Variants in RNGTT observed in about 807,000 individuals in gnomAD.
RNGTT encodes RNA guanylyltransferase and 5'-phosphatase.
A neutral mutation model predicts 79.3 loss-of-function variants in RNGTT; 33 were observed. The observed-to-expected ratio is 0.42, with a 90% CI of 0.32 to 0.56. The LOEUF is 0.56. Ranked by LOEUF, RNGTT falls within the 20% of genes least tolerant of loss-of-function variation. The pLI, the probability that RNGTT is intolerant of heterozygous loss-of-function variation, is 0.17. For missense variants in RNGTT, 497 were observed against 739.1 expected, an observed-to-expected ratio of 0.67 and a Z score of 3.80; for synonymous variants, 222 against 235.9, an observed-to-expected ratio of 0.94 and a Z score of 0.54.
rs189300089 is a variant in RNGTT at position 88,684,812 on chromosome 6, A to G, written c.1440-6393T>C. ...ATTACATGTCAACATAGGTTCATCAACTCTAATAAATGTAGCACTCTGATG... is the reference window on the plus strand; with the variant it reads ...ATTACATGTCAACATAGGTTCATCAGCTCTAATAAATGTAGCACTCTGATG... On this transcript the variant is annotated intron_variant, in intron 13 of 15. Coordinates refer to ENST00000369485, the MANE Select transcript of RNGTT (RefSeq NM_003800.5). 9.2e-5 allele frequency among the ~76,000 whole-genome samples: 14 copies of G among 152,134 alleles called. No individual in the cohort carries two copies. The East Asian group carries it at 2.3e-3, about 25-fold the overall frequency.
At chr6:88,757,667 T>G (rs1285413399) in intron 13 of RNGTT, among the ~76,000 whole-genome samples, 1 of 152,198 alleles carries the variant, frequency 6.6e-6, no homozygotes, top group Non-Finnish European at 1.5e-5. Flanking sequence ...AACAAAATGT[T>G]TTCAAAAGAT....
At chr6:88,904,323 A>G (rs1783574228) in intron 6 of RNGTT, among the ~76,000 whole-genome samples, 1 of 152,198 alleles carries the variant, frequency 6.6e-6, no homozygotes, top group African/African-American at 2.4e-5. Flanking sequence ...CAGTAATCCC[A>G]ACACTTTGGG....
At chr6:88,818,159 A>G (rs1780385112) in intron 11 of RNGTT, among the ~76,000 whole-genome samples, 2 of 152,292 alleles carry the variant, frequency 1.3e-5, no homozygotes, top group South Asian at 4.1e-4. Context: ...CATCAGGTTG[A>G]GCATTATGTG....
intron 15 of RNGTT, among the ~76,000 whole-genome samples, chr6:88,613,154 C>A (rs1357484794): frequency 1.3e-5 from 2 of 152,204 alleles, no homozygotes; most frequent in Non-Finnish European, 2.9e-5. Context: ...TCTATCCCTC[C>A]CAAACCAGTT....
At chr6:88,838,674 T>C (rs1781163062) in intron 11 of RNGTT, among the ~76,000 whole-genome samples, 1 of 152,156 alleles carries the variant, frequency 6.6e-6, no homozygotes, top group Non-Finnish European at 1.5e-5. Flanking sequence ...TGTTATGATG[T>C]TAGTTCTTCC....
chr6:88,749,020 C>T (rs1777757358), intron 13 of RNGTT, among the ~76,000 whole-genome samples: 1 of 151,924 alleles, frequency 6.6e-6, no homozygotes, highest in Admixed American at 6.6e-5. Flanking sequence ...GCTGATTTGT[C>T]GACAGCAACA....
chr6:88,693,931 G>A (rs1287031280), intron 13 of RNGTT, among the ~76,000 whole-genome samples: 3 of 151,964 alleles, frequency 2.0e-5, no homozygotes, highest in Admixed American at 6.6e-5. Flanking sequence ...TTCTCAAATA[G>A]GTACGAATAA....
rs199533670 is a variant in RNGTT, at chr6:88,697,553, A to AT, written c.1440-19135_1440-19134insA. 6.0e-3 allele frequency among the ~76,000 whole-genome samples: 915 copies of AT among 151,684 alleles called. 9 individuals carry two copies. The highest frequency in any genetic ancestry group is 0.02 in the African/African-American group (840 of 41,330). ...GTGACAAAGCAAGACTGTCTCAAAAAAAATAAAATAAAAATAAATATGAAT... is the reference window on the plus strand; with the variant it reads ...GTGACAAAGCAAGACTGTCTCAAAAATAAATAAAATAAAAATAAATATGAAT... On this transcript the variant is annotated intron_variant, in intron 13 of 15. Coordinates refer to ENST00000369485, the MANE Select transcript of RNGTT (RefSeq NM_003800.5).
chr6:88,646,751 C>A (rs1283822418), intron 14 of RNGTT, among the ~76,000 whole-genome samples: 1 of 151,930 alleles, frequency 6.6e-6, no homozygotes, highest in Non-Finnish European at 1.5e-5. Flanking sequence ...GGACAAAAAA[C>A]CAAACACCGC....
chr6:88,856,677 G>A (rs1394676781), intron 8 of RNGTT, among the ~76,000 whole-genome samples: 1 of 152,130 alleles, frequency 6.6e-6, no homozygotes, highest in Non-Finnish European at 1.5e-5. Flanking sequence ...ACAAGTTCCT[G>A]AGCTATGATT....
intron 11 of RNGTT, among the ~76,000 whole-genome samples, chr6:88,801,899 G>C (rs193124170): frequency 6.6e-6 from 1 of 150,720 alleles, no homozygotes; most frequent in Non-Finnish European, 1.5e-5. Flanking sequence ...CTAAACAATA[G>C]TCCTAACTAC....
At chr6:88,841,040 T>C (rs1781269260) in intron 11 of RNGTT, among the ~76,000 whole-genome samples, 1 of 152,180 alleles carries the variant, frequency 6.6e-6, no homozygotes, top group Non-Finnish European at 1.5e-5. Context: ...TATTTACAAT[T>C]TAGAAAATGT....
In RNGTT at chr6:88,679,567, T is replaced by C. The variant is rs559965166; in HGVS notation, c.1440-1148A>G. ...ACATGAAAATAAAAATCAAACCAAA[T>C]AGAGGTCTAATATAAAAAAATGGTA... On this transcript the variant is annotated intron_variant, in intron 13 of 15. Transcript: ENST00000369485. 1.7e-4 allele frequency among the ~76,000 whole-genome samples: 26 copies of C among 152,268 alleles called. No homozygotes were observed. In the South Asian group the frequency reaches 4.8e-3, roughly 28 times the overall value.
chr6:88,746,197 A>G (rs1156416453), intron 13 of RNGTT, among the ~76,000 whole-genome samples: 1 of 151,998 alleles, frequency 6.6e-6, no homozygotes, highest in Non-Finnish European at 1.5e-5. Flanking sequence ...TAGCAGACCA[A>G]CTCTGATTTT....
chr6:88,707,994 G>A (rs1340685640), intron 13 of RNGTT, among the ~76,000 whole-genome samples: 6 of 151,856 alleles, frequency 4.0e-5, no homozygotes, highest in Admixed American at 6.6e-5. Context: ...AAGCACTAGC[G>A]CACTCAGTTT....
intron 14 of RNGTT, among the ~76,000 whole-genome samples, chr6:88,620,060 G>T (rs1421785150): frequency 6.6e-6 from 1 of 152,174 alleles, no homozygotes; most frequent in Non-Finnish European, 1.5e-5. Context: ...AAACACGTTA[G>T]ACTAGTACTT....
chr6:88,848,140 A>G (rs1310663234), intron 10 of RNGTT, among the ~76,000 whole-genome samples: 1 of 152,068 alleles, frequency 6.6e-6, no homozygotes, highest in Non-Finnish European at 1.5e-5. Flanking sequence ...ATCAAGGAAA[A>G]GCAAATTAAA....
At chr6:88,700,218 T>A (rs1229361444) in intron 13 of RNGTT, among the ~76,000 whole-genome samples, 1 of 152,162 alleles carries the variant, frequency 6.6e-6, no homozygotes, top group Non-Finnish European at 1.5e-5. Context: ...CTTGATTCAA[T>A]GCTGAGGTTC....
rs539027578 is a variant in RNGTT at position 88,757,159 on chromosome 6, T to A, written c.1439+12615A>T. ...GATATGTGATCATGTATTTGCTATGTCCGAAAACCAGAGGATCTCAGCATG... is the reference window on the plus strand; with the variant it reads ...GATATGTGATCATGTATTTGCTATGACCGAAAACCAGAGGATCTCAGCATG... On this transcript the variant is annotated intron_variant, in intron 13 of 15. Transcript: ENST00000369485. Among the ~76,000 whole-genome samples, 96 of 152,288 alleles carry A rather than the reference T, an allele frequency of 6.3e-4. 1 individual carries two copies. The highest frequency in any genetic ancestry group is 1.1e-3 in the Non-Finnish European group (74 of 68,018).
Sources: gnomAD v4.1 joint callset for allele counts (sites outside exome capture counted in the v4.1 genomes callset) on GRCh38, gnomAD v4.1.1 for gene constraint, MANE v1.5 for transcripts, NCBI Gene and HGNC (gene_info 2026-07-23, HGNC 2026-07-21) for gene names.